Variants in PEG3 observed in about 807,000 individuals in gnomAD.
PEG3 encodes paternally-expressed gene 3 protein.
PEG3 carries 23 observed loss-of-function variants against 35.5 expected under a neutral mutation model. The ratio of observed to expected loss-of-function variants is 0.65; its 90% CI spans 0.47 to 0.92. The LOEUF is 0.92. PEG3 is among the 40% of genes least tolerant of loss of function. PEG3 has a pLI of 0.00. For missense variants in PEG3, 1,960 were observed against 1,985.3 expected, an observed-to-expected ratio of 0.99 and a Z score of 0.24; for synonymous variants, 707 against 697.0, an observed-to-expected ratio of 1.01 and a Z score of -0.23.
intron 2 of PEG3, among the ~76,000 whole-genome samples, chr19:56,827,086 T>C (rs1251657750): frequency 6.6e-6 from 1 of 152,102 alleles, no homozygotes; most frequent in Admixed American, 6.5e-5. Context: ...GCTGAAATAA[T>C]GTAAAGAGCA....
chr19:56,817,194 A>G lies in PEG3; in HGVS notation c.1248T>C (p.Phe416=), dbSNP rs2060056525. The change falls in exon 10 of 10, where the codon TTT becomes TTC. Residue 416 remains phenylalanine (F), a synonymous_variant. Coordinates refer to ENST00000326441, the MANE Select transcript of PEG3 (RefSeq NM_006210.3). The part of the protein sequence containing the change: ...DQKGCPRKKP[F]ECGSEMRKAM... Reference sequence around the variant, plus strand: ...CTTTTCTCATCTCACTACCACATTCAAAGGGCTTCTTCCTGGGACAGCCTT... The same window carrying G: ...CTTTTCTCATCTCACTACCACATTCGAAGGGCTTCTTCCTGGGACAGCCTT... 1.9e-6 allele frequency: 3 copies of G among 1,614,086 alleles called. No individual in the cohort carries two copies. Among genetic ancestry groups the G allele is most frequent in the African/African-American group, 2.7e-5 (2 of 74,928 alleles).
Position 56,812,529 on chromosome 19 carries a change from G to C in PEG3, c.*1146C>G. The C allele has an allele frequency of 1.0e-6, 1 of 985,686 alleles. No individual in the cohort carries two copies. Among genetic ancestry groups the C allele is most frequent in the Non-Finnish European group, 1.2e-6 (1 of 829,840 alleles). The allele number at this position is 985,686 out of a possible 1,614,324, so 61.1% of individuals were successfully genotyped here. ...AAGGATACTAGCTCCTGGGCACCTA[G>C]GGTGCAAACTGACTTGTGGCAGCAT... On this transcript the variant is annotated 3_prime_UTR_variant, in exon 10 of 10. Coordinates refer to ENST00000326441, the MANE Select transcript of PEG3 (RefSeq NM_006210.3).
Position 56,815,419 on chromosome 19 carries a change from C to G in PEG3, c.3023G>C (p.Arg1008Pro), listed in dbSNP as rs757018403. The G allele has an allele frequency of 6.2e-7, 1 of 1,614,016 alleles. No individual in the cohort carries two copies. The highest frequency in any genetic ancestry group is 1.1e-5 in the South Asian group (1 of 91,068). Reference protein sequence around the residue: ...GSRNYEWSVIRSLAPTDPQTS... With the variant: ...GSRNYEWSVIPSLAPTDPQTS... ...TTGAGGGTCAGTAGGGGCCAAGCTG[C>G]GAATGACAGACCATTCATAGTTTCT... The change falls in exon 10 of 10, where the codon CGC becomes CCC. Residue 1008 changes from arginine to proline, a missense_variant. This residue lies in a region of PEG3 where 798 missense variants were observed against 782.4 expected (regional missense o/e 1.02). Transcript: ENST00000326441.
Position 56,817,226 on chromosome 19 carries a change from C to A in PEG3, c.1216G>T (p.Asp406Tyr), listed in dbSNP as rs553693488. 8 of 1,614,088 alleles carry A rather than the reference C, an allele frequency of 5.0e-6. No homozygotes were observed. In the South Asian group the frequency reaches 8.8e-5, roughly 18 times the overall value. The change falls in exon 10 of 10, where the codon GAT (aspartate) becomes TAT (tyrosine). Residue 406 changes from aspartate to tyrosine, a missense_variant. Around this residue, in one of 5 missense-constraint regions of PEG3, gnomAD observed 613 missense variants for 577.1 expected, o/e 1.06. Transcript: ENST00000326441. The part of the protein sequence containing the change: ...FDTDGKGSIH[D>Y]QKGCPRKKPF... ...TTCTTCCTGGGACAGCCTTTTTGAT[C>A]GTGAATCGAGCCCTTCCCATCTGTG...
rs764519233 is a variant in PEG3 at position 56,815,278 on chromosome 19, T to G, written c.3164A>C (p.Gln1055Pro). ...DLNTNQKIYD[Q>P]EKSHGEESQG... ...AGACTCCTCGCCATGAGACTTCTCT[T>G]GGTCATAGATTTTCTGGTTTGTGTT... The change falls in exon 10 of 10, where the codon CAA (glutamine) becomes CCA (proline). Residue 1055 changes from glutamine (Q) to proline (P), a missense_variant. This residue lies in a region of PEG3 where 798 missense variants were observed against 782.4 expected (regional missense o/e 1.02). Transcript: ENST00000326441. The G allele has an allele frequency of 6.2e-7, 1 of 1,614,254 alleles. No individual in the cohort carries two copies. Among genetic ancestry groups the G allele is most frequent in the South Asian group, 1.1e-5 (1 of 91,088 alleles).
In PEG3 at chr19:56,824,255, C is replaced by T; in HGVS notation, c.394+7G>A. ...ACTGACCACCAACACCCCGTGGAGACTCTCACCTTCTGGTTGGTACATCTC... is the reference window on the plus strand; with the variant it reads ...ACTGACCACCAACACCCCGTGGAGATTCTCACCTTCTGGTTGGTACATCTC... On this transcript the variant is annotated splice_region_variant and intron_variant, in intron 4 of 9. Coordinates refer to ENST00000326441, the MANE Select transcript of PEG3 (RefSeq NM_006210.3). The T allele has an allele frequency of 6.2e-7, 1 of 1,612,476 alleles. No individual in the cohort carries two copies. The highest frequency in any genetic ancestry group is 8.5e-7 in the Non-Finnish European group (1 of 1,179,104).
chr19:56,833,158 G>A (rs547166777), intron 2 of PEG3: 7 of 517,470 alleles, frequency 1.4e-5, no homozygotes, highest in South Asian at 9.8e-5. Flanking sequence ...CTCCGGTTTG[G>A]CCTCAGGCTC....
Position 56,824,691 on chromosome 19 carries a change from A to G in PEG3, c.-36T>C. On this transcript the variant is annotated 5_prime_UTR_variant, in exon 4 of 10. The change abolishes an upstream ATG in the 5' untranslated region. Coordinates refer to ENST00000326441, the MANE Select transcript of PEG3 (RefSeq NM_006210.3). ...AAAATTTTCACTGGAGGAACCAAAC[A>G]TGAGTCAACAGGAAAGACGCGGCAG... is the stretch of plus-strand genomic sequence containing the variant. 6.4e-7 allele frequency: 1 copy of G among 1,568,562 alleles called. No homozygotes were observed. Among genetic ancestry groups the G allele is most frequent in the Non-Finnish European group, 8.7e-7 (1 of 1,155,088 alleles).
At chr19:56,834,291 G>C (rs1339193969) in intron 2 of PEG3, among the ~76,000 whole-genome samples, 1 of 152,130 alleles carries the variant, frequency 6.6e-6, no homozygotes, top group African/African-American at 2.4e-5. Flanking sequence ...TGTTAGATAA[G>C]GGGCTTCCGA....
intron 1 of PEG3, among the ~76,000 whole-genome samples, chr19:56,839,829 C>G (rs895123562): frequency 6.6e-6 from 1 of 151,394 alleles, no homozygotes; most frequent in Admixed American, 6.6e-5. Context: ...GTGGGTGGGG[C>G]TTGAGCAGAC....
intron 3 of PEG3, among the ~76,000 whole-genome samples, chr19:56,825,554 T>C (rs1273862289): frequency 8.6e-6 from 1 of 116,754 alleles, no homozygotes; most frequent in Non-Finnish European, 1.9e-5. Context: ...AATGTAAAGA[T>C]TTTCAATCTC....
rs773882476 is a variant in PEG3 at position 56,816,547 on chromosome 19, C to A, written c.1895G>T (p.Cys632Phe). ...GKEKMYECKVCGETFLHSSSL... is the reference protein window; with the variant it reads ...GKEKMYECKVFGETFLHSSSL... ...TGAGCTATGAAGGAAAGTCTCCCCA[C>A]ACACCTTACATTCGTACATTTTCTC... The change falls in exon 10 of 10, where the codon TGT (cysteine) becomes TTT (phenylalanine). Residue 632 changes from cysteine (C) to phenylalanine (F), a missense_variant. Transcript: ENST00000326441. The A allele has an allele frequency of 6.2e-7, 1 of 1,614,022 alleles. No homozygotes were observed. The highest frequency in any genetic ancestry group is 1.1e-5 in the South Asian group (1 of 91,050).
At chr19:56,824,817 G>A (rs940011274) in intron 3 of PEG3, 76 bp from the exon 4 acceptor site, 9 of 645,536 alleles carry the variant, frequency 1.4e-5, no homozygotes, top group Non-Finnish European at 2.1e-5. Context: ...CTTACCAGAG[G>A]CATCGACAAT....
chr19:56,813,931 T>A lies in PEG3; in HGVS notation c.4511A>T (p.Tyr1504Phe), dbSNP rs779784003. ...TTCTGTGCATTCATGGCAGTCATAG[T>A]ATGGTTCTTCTACCTGAATCTCTTG... Reference protein sequence around the residue: ...EDQEIQVEEPYYDCHECTETF... With the variant: ...EDQEIQVEEPFYDCHECTETF... Residue 1504 changes from tyrosine to phenylalanine, a missense_variant, in exon 10 of 10, where the codon TAC becomes TTC. Physicochemically the swap from Tyr to Phe is conservative, Grantham distance 22. Around this residue, in one of 5 missense-constraint regions of PEG3, gnomAD observed 416 missense variants for 416.7 expected, o/e 1.00. Transcript: ENST00000326441. 7 of 1,614,088 alleles carry A rather than the reference T, an allele frequency of 4.3e-6. No homozygotes were observed. The African/African-American group carries it at 9.3e-5, about 22-fold the overall frequency.
At position 56,824,618 on chromosome 19, in the gene PEG3, T is replaced by A. The variant is rs763205583; in HGVS notation, c.38A>T (p.Lys13Met). ...PPKHLSATKPKKSWAPNLYEL... is the reference protein window; with the variant it reads ...PPKHLSATKPMKSWAPNLYEL... Reference sequence around the variant, plus strand: ...ATACAGATTTGGGGCCCAGGACTTCTTAGGTTTGGTGGCAGACAAGTGCTT... The same window carrying A: ...ATACAGATTTGGGGCCCAGGACTTCATAGGTTTGGTGGCAGACAAGTGCTT... The change falls in exon 4 of 10, where the codon AAG becomes ATG. Residue 13 changes from lysine (K) to methionine (M), a missense_variant. Physicochemically the swap from Lys to Met is moderately conservative, Grantham distance 95. Coordinates refer to ENST00000326441, the MANE Select transcript of PEG3 (RefSeq NM_006210.3). The A allele has an allele frequency of 2.5e-6, 4 of 1,606,684 alleles. No homozygotes were observed. Among genetic ancestry groups the A allele is most frequent in the Non-Finnish European group, 1.7e-6 (2 of 1,174,496 alleles).
chr19:56,824,458 T>G lies in PEG3; in HGVS notation c.198A>C (p.Lys66Asn). 1 of 1,613,898 alleles carries G rather than the reference T, an allele frequency of 6.2e-7. No individual in the cohort carries two copies. Among genetic ancestry groups the G allele is most frequent in the South Asian group, 1.1e-5 (1 of 91,050 alleles). ...ACCAATCGAGGCAGAGGTTTCGGAGTTTGATCAGGGTCTTCCGAGGCCCAA... is the reference window on the plus strand; with the variant it reads ...ACCAATCGAGGCAGAGGTTTCGGAGGTTGATCAGGGTCTTCCGAGGCCCAA... ...EFVGPRKTLI[K>N]LRNLCLDWLQ... Residue 66 changes from lysine (K) to asparagine (N), a missense_variant, in exon 4 of 10, where the codon AAA becomes AAC. Lys to Asn is a moderately conservative substitution (Grantham distance 94). This residue lies in a region of PEG3 where 613 missense variants were observed against 577.1 expected (regional missense o/e 1.06). Coordinates refer to ENST00000326441, the MANE Select transcript of PEG3 (RefSeq NM_006210.3).
At chr19:56,837,499 C>T (rs910241476) in intron 1 of PEG3, among the ~76,000 whole-genome samples, 1 of 152,220 alleles carries the variant, frequency 6.6e-6, no homozygotes, top group African/African-American at 2.4e-5. Flanking sequence ...GCCTTGGATT[C>T]CACTTTTCTG....
In PEG3 at chr19:56,824,690, CAT is replaced by C. The variant is rs1568682692; in HGVS notation, c.-37_-36del. 6.4e-7 allele frequency: 1 copy of C among 1,567,850 alleles called. No individual in the cohort carries two copies. Among genetic ancestry groups the C allele is most frequent in the Non-Finnish European group, 8.7e-7 (1 of 1,154,914 alleles). ...TAAAATTTTCACTGGAGGAACCAAACATGAGTCAACAGGAAAGACGCGGCAGC... is the reference window on the plus strand; with the variant it reads ...TAAAATTTTCACTGGAGGAACCAAACGAGTCAACAGGAAAGACGCGGCAGC... On this transcript the variant is annotated 5_prime_UTR_variant, in exon 4 of 10. An upstream start codon of the reference 5' UTR is lost. Coordinates refer to ENST00000326441, the MANE Select transcript of PEG3 (RefSeq NM_006210.3).
rs529608384 is a variant in PEG3, at chr19:56,812,507, G to T, written c.*1168C>A. On this transcript the variant is annotated 3_prime_UTR_variant, in exon 10 of 10. Coordinates refer to ENST00000326441, the MANE Select transcript of PEG3 (RefSeq NM_006210.3). ...TAAGTTAGCGATAGAAAGATCTAAG[G>T]ATACTAGCTCCTGGGCACCTAGGGT... The T allele has an allele frequency of 9.6e-5, 95 of 985,430 alleles. No individual in the cohort carries two copies. The highest frequency in any genetic ancestry group is 1.1e-4 in the Non-Finnish European group (88 of 829,778). 61.0% of individuals were successfully genotyped at this position (985,430 alleles called of 1,614,324 possible).
Sources: gnomAD v4.1 joint callset for allele counts (sites outside exome capture counted in the v4.1 genomes callset) on GRCh38, gnomAD v4.1.1 for gene constraint, gnomAD v4.1.1 regional missense constraint, MANE v1.5 for transcripts, NCBI Gene and HGNC (gene_info 2026-07-23, HGNC 2026-07-21) for gene names.